The following TMEM50B variants were observed in gnomAD, a reference collection of about 807,000 sequenced individuals.
The protein encoded by TMEM50B is HCV p7-trans-regulated protein 3.
TMEM50B carries 14 observed loss-of-function variants against 23.4 expected under a neutral mutation model. The observed-to-expected ratio is 0.60, with a 90% CI of 0.39 to 0.93. TMEM50B has a LOEUF of 0.93. Among genes scored for constraint, TMEM50B ranks in the 40% least tolerant of loss-of-function variants. The pLI is 0.00. For missense variants in TMEM50B, 159 were observed against 193.0 expected (o/e 0.82, Z 1.04); for synonymous variants, 64 against 62.3 (o/e 1.03, Z -0.13).
At chr21:33,475,731 G>A (rs371779968) in intron 1 of TMEM50B, among the ~76,000 whole-genome samples, 3 of 152,034 alleles carry the variant, frequency 2.0e-5, no homozygotes, top group African/African-American at 7.2e-5. Flanking sequence ...AAGGTGGGCA[G>A]ATCATGAGGT....
At chr21:33,470,348 C>A (rs1464059863) in intron 1 of TMEM50B, among the ~76,000 whole-genome samples, 1 of 144,284 alleles carries the variant, frequency 6.9e-6, no homozygotes, top group African/African-American at 2.5e-5. Flanking sequence ...TCGCTTGAAC[C>A]CGGGAGGCGA....
At chr21:33,461,146 C>G (rs1358293554) in intron 4 of TMEM50B, among the ~76,000 whole-genome samples, 1 of 152,200 alleles carries the variant, frequency 6.6e-6, no homozygotes, top group Non-Finnish European at 1.5e-5. Context: ...GCACCAGATC[C>G]TGTTCACAGG....
chr21:33,451,430 A>G (rs1427772354), intron 6 of TMEM50B, among the ~76,000 whole-genome samples: 1 of 152,210 alleles, frequency 6.6e-6, no homozygotes, highest in African/African-American at 2.4e-5. Context: ...TAAATATAAA[A>G]TTCCACCTAT....
chr21:33,459,130 T>C (rs1391335050), intron 5 of TMEM50B, among the ~76,000 whole-genome samples: 4 of 152,202 alleles, frequency 2.6e-5, no homozygotes, highest in Admixed American at 1.3e-4. Context: ...CTGACTCCTG[T>C]CTTAGGAGCA....
At chr21:33,439,454 A>G (rs926883368) in intron 7 of TMEM50B, among the ~76,000 whole-genome samples, 9 of 152,112 alleles carry the variant, frequency 5.9e-5, no homozygotes, top group African/African-American at 2.2e-4. Context: ...ATCTCACTTC[A>G]CTGCAACCTC....
At chr21:33,474,816 A>C (rs1259293212) in intron 1 of TMEM50B, among the ~76,000 whole-genome samples, 8 of 100,368 alleles carry the variant, frequency 8.0e-5, no homozygotes, top group Admixed American at 9.7e-5. Flanking sequence ...ATAAATAAAT[A>C]AAATAAAATA....
At chr21:33,432,516 A>C (rs1247275097) in exon 9 of TMEM50B, 1 of 835,018 alleles carries the variant, frequency 1.2e-6, no homozygotes, top group African/African-American at 1.7e-5. Context: ...GCTACCAGAC[A>C]GCTACCACTT....
chr21:33,470,182 A>G (rs2084300219), intron 1 of TMEM50B, among the ~76,000 whole-genome samples: 1 of 152,086 alleles, frequency 6.6e-6, no homozygotes, highest in African/African-American at 2.4e-5. Context: ...GAAAGAAAGA[A>G]AACACAGCCA....
intron 4 of TMEM50B, among the ~76,000 whole-genome samples, chr21:33,463,528 GA>G (rs1247010141): frequency 6.6e-6 from 1 of 152,144 alleles, no homozygotes; most frequent in Non-Finnish European, 1.5e-5. Flanking sequence ...TGGGGCAATG[GA>G]AATGTTCTGT....
At chr21:33,437,000 A>C (rs1342282580) in intron 8 of TMEM50B, 4 of 1,611,268 alleles carry the variant, frequency 2.5e-6, no homozygotes, top group Middle Eastern at 1.7e-4. Context: ...TCCCTGGAAG[A>C]GATCAAGCCA....
chr21:33,470,194 A>AT (rs2084300328), intron 1 of TMEM50B, among the ~76,000 whole-genome samples: 1 of 152,046 alleles, frequency 6.6e-6, no homozygotes, highest in Admixed American at 6.6e-5. Context: ...ACACAGCCAG[A>AT]TGCGTGGTGG....
At chr21:33,446,247 A>AT (rs895006129), downstream of TMEM50B, among the ~76,000 whole-genome samples, 1 of 114,374 alleles carries the variant, frequency 8.7e-6, no homozygotes, top group Non-Finnish European at 2.2e-5. Flanking sequence ...TTTATTTTTT[A>AT]TTTTTTTTTG....
chr21:33,463,698 G>A (rs1460343152), intron 4 of TMEM50B, among the ~76,000 whole-genome samples: 2 of 152,092 alleles, frequency 1.3e-5, no homozygotes, highest in Non-Finnish European at 2.9e-5. Flanking sequence ...CAGGTGGATA[G>A]CTTGAGGCCA....
downstream of TMEM50B, chr21:33,449,119 C>T (rs2084093534): frequency 6.6e-6 from 1 of 152,010 alleles, no homozygotes; most frequent in Non-Finnish European, 1.5e-5. Context: ...TTCATTTTCT[C>T]CAACAAACAA....
intron 8 of TMEM50B, chr21:33,437,024 A>G: frequency 6.3e-7 from 1 of 1,582,878 alleles, no homozygotes; most frequent in Non-Finnish European, 8.7e-7. Context: ...GAGCTGCTAG[A>G]GTTCTGTCTG....
chr21:33,476,654 G>C (rs1471240692), intron 1 of TMEM50B, among the ~76,000 whole-genome samples: 4 of 149,966 alleles, frequency 2.7e-5, no homozygotes, highest in South Asian at 2.1e-4. Context: ...CCAGCTTCTC[G>C]GGAGGCTGAG....
chr21:33,443,410 G>C (rs1284040251), intron 7 of TMEM50B, among the ~76,000 whole-genome samples: 3 of 114,998 alleles, frequency 2.6e-5, no homozygotes, highest in South Asian at 5.5e-4. Flanking sequence ...ATTCCTGTAG[G>C]CTGTGCACCG....
chr21:33,457,543 C>T (rs1212141588), intron 5 of TMEM50B, among the ~76,000 whole-genome samples: 1 of 150,146 alleles, frequency 6.7e-6, no homozygotes, highest in African/African-American at 2.5e-5. Context: ...CCCAGCTATT[C>T]GGGAAGCTGA....
intron 1 of TMEM50B, among the ~76,000 whole-genome samples, chr21:33,477,768 G>A (rs1238946922): frequency 2.7e-5 from 4 of 150,246 alleles, no homozygotes; most frequent in Non-Finnish European, 3.0e-5. Flanking sequence ...CCACGATAGC[G>A]CCATTGCACT....
Sources: allele counts gnomAD v4.1 joint callset (sites outside exome capture counted in the v4.1 genomes callset), GRCh38; gene constraint gnomAD v4.1.1; transcripts MANE v1.5; gene names NCBI Gene and HGNC (gene_info 2026-07-23, HGNC 2026-07-21).